MYT1: variants seen among roughly 807,000 people sequenced by gnomAD.
The protein encoded by MYT1 is myelin transcription factor I.
Under a neutral mutation model 123.0 loss-of-function variants are expected in MYT1, and 23 were observed. The ratio of observed to expected loss-of-function variants is 0.19; its 90% CI spans 0.13 to 0.26. The LOEUF (loss-of-function observed/expected upper bound fraction) is 0.26. MYT1 is among the 10% of genes least tolerant of loss of function. MYT1 has a pLI of 1.00. For synonymous variants in MYT1, 518 were observed against 575.3 expected, an observed-to-expected ratio of 0.90 and a Z score of 1.43; for missense variants, 1,125 against 1,472.5, an observed-to-expected ratio of 0.76 and a Z score of 3.86.
intron 16 of MYT1, among the ~76,000 whole-genome samples, chr20:64,226,862 C>T (rs969665284): frequency 1.3e-5 from 2 of 152,260 alleles, no homozygotes; most frequent in African/African-American, 4.8e-5. Context: ...GCATGGCCAG[C>T]GCCATCTGCT....
chr20:64,212,773 T>C lies in MYT1; in HGVS notation c.1517+635T>C, dbSNP rs1983720133. Among the ~76,000 whole-genome samples, 1 of 151,884 alleles carries C rather than the reference T, an allele frequency of 6.6e-6. No individual in the cohort carries two copies. The highest frequency in any genetic ancestry group is 2.4e-5 in the African/African-American group (1 of 41,328). ...CTTCCCGACCACCCTCGAGGTGTAG[T>C]TGTTGACTGGTCTTCTATGGTGAGG... is the stretch of plus-strand genomic sequence containing the variant. On this transcript the variant is annotated intron_variant, in intron 9 of 22. Transcript: ENST00000328439. This position sits in a 1 kb window ranked among gnomAD's most constrained non-coding sequence, Gnocchi z 6.8.
chr20:64,221,093 C>T (rs189854212), intron 13 of MYT1, among the ~76,000 whole-genome samples: 7 of 152,316 alleles, frequency 4.6e-5, no homozygotes, highest in East Asian at 1.9e-4. Context: ...GTGGGCTTCA[C>T]GGGCATTTCC....
intron 1 of MYT1, among the ~76,000 whole-genome samples, chr20:64,165,233 A>T (rs888538672): frequency 6.6e-6 from 1 of 152,024 alleles, no homozygotes; most frequent in Admixed American, 6.6e-5. Flanking sequence ...AGAGGTGCTC[A>T]CGTGAACGTT....
chr20:64,236,690 A>C (rs2983431), intron 20 of MYT1, 44 bp downstream of exon 20: 187,117 of 1,530,416 alleles, frequency 0.12, 13,828 homozygotes, highest in African/African-American at 0.32. Context: ...GCTGGGTGCC[A>C]GGGTAAGTGA....
At chr20:64,222,125 A>C (rs1044060251) in intron 14 of MYT1, 78 bp downstream of exon 14, 1 of 1,534,036 alleles carries the variant, frequency 6.5e-7, no homozygotes, top group Non-Finnish European at 8.9e-7. Context: ...GTCCCAACCC[A>C]TGACGACCGG....
At chr20:64,223,393 G>A in intron 16 of MYT1, 34 bp downstream of exon 16, 1 of 1,611,482 alleles carries the variant, frequency 6.2e-7, no homozygotes, top group Non-Finnish European at 8.5e-7. Context: ...CTGTCTCTTG[G>A]GCGGCACCCT....
rs566783932 is a variant in MYT1, at chr20:64,186,368, C to T, written c.-98-3695C>T. Among the ~76,000 whole-genome samples, 2 of 152,288 alleles carry T rather than the reference C, an allele frequency of 1.3e-5. No homozygotes were observed. The highest frequency in any genetic ancestry group is 2.4e-5 in the African/African-American group (1 of 41,544). ...GGTCTCTGATGTTCCGTTTCCCATT[C>T]GCATCCACGAGCAGGGATTCAGATT... On this transcript the variant is annotated intron_variant, in intron 1 of 22. Coordinates refer to ENST00000328439, the MANE Select transcript of MYT1 (RefSeq NM_004535.3). This position sits in a 1 kb window ranked among gnomAD's most constrained non-coding sequence, Gnocchi z 4.3.
intron 7 of MYT1, 97 bp from the exon 8 acceptor site, chr20:64,211,109 C>T: frequency 7.2e-7 from 1 of 1,391,704 alleles, no homozygotes; most frequent in Non-Finnish European, 9.8e-7. Flanking sequence ...TCCCTTCTCT[C>T]TGGACAGCCA....
At chr20:64,165,223 A>G (rs1982045479) in intron 1 of MYT1, among the ~76,000 whole-genome samples, 1 of 151,908 alleles carries the variant, frequency 6.6e-6, no homozygotes, top group Non-Finnish European at 1.5e-5. Context: ...GGTACTGAGG[A>G]GAGGTGCTCA....
In MYT1 at chr20:64,166,338, T is replaced by C. The variant is rs551912021; in HGVS notation, c.-99+1599T>C. On this transcript the variant is annotated intron_variant, in intron 1 of 22. Transcript: ENST00000328439. This position sits in a 1 kb window ranked among gnomAD's most constrained non-coding sequence, Gnocchi z 4.9. ...AAGGAGGCAGTCTTATGGATTCTTCTGTCCCGTAGAGACTGAGACTCCTAC... is the reference window on the plus strand; with the variant it reads ...AAGGAGGCAGTCTTATGGATTCTTCCGTCCCGTAGAGACTGAGACTCCTAC... 7.1e-4 allele frequency among the ~76,000 whole-genome samples: 108 copies of C among 152,298 alleles called. No individual in the cohort carries two copies. Among genetic ancestry groups the C allele is most frequent in the African/African-American group, 2.4e-3 (98 of 41,574 alleles).
rs142775473 is a variant in MYT1 at position 64,191,139 on chromosome 20, A to T, written c.-1+979A>T. 1.3e-5 allele frequency among the ~76,000 whole-genome samples: 2 copies of T among 152,326 alleles called. No homozygotes were observed. Among genetic ancestry groups the T allele is most frequent in the African/African-American group, 4.8e-5 (2 of 41,586 alleles). ...TGGCCAGGCTGAGAATCCCTACAGG[A>T]TCTGACAGCAGAGATTGCTGGCAGG... On this transcript the variant is annotated intron_variant, in intron 2 of 22. Coordinates refer to ENST00000328439, the MANE Select transcript of MYT1 (RefSeq NM_004535.3). This position sits in a 1 kb window ranked among gnomAD's most constrained non-coding sequence, Gnocchi z 4.1.
In MYT1 at chr20:64,236,564, C is replaced by T. The variant is rs1214578186; in HGVS notation, c.2907C>T (p.Gly969=). 1 of 1,613,532 alleles carries T rather than the reference C, an allele frequency of 6.2e-7. No individual in the cohort carries two copies. Among genetic ancestry groups the T allele is most frequent in the African/African-American group, 1.3e-5 (1 of 74,990 alleles). ...GSFLTHRSLS[G]CPRATFAGKK... ...TGGCCTCTGCTTCCAGTTTGTCAGG[C>T]TGTCCCAGAGCAACCTTTGCTGGAA... is the stretch of plus-strand genomic sequence containing the variant. The change falls in exon 20 of 23, where the codon GGC becomes GGT. Residue 969 remains glycine, a synonymous_variant. Coordinates refer to ENST00000328439, the MANE Select transcript of MYT1 (RefSeq NM_004535.3).
chr20:64,169,275 A>G (rs1198893465), intron 1 of MYT1, among the ~76,000 whole-genome samples: 4 of 152,232 alleles, frequency 2.6e-5, no homozygotes, highest in Admixed American at 2.0e-4. Context: ...GCAAACTGAC[A>G]GCAGCAGGTG....
intron 11 of MYT1, among the ~76,000 whole-genome samples, chr20:64,217,897 C>T (rs1283117978): frequency 6.6e-6 from 1 of 152,260 alleles, no homozygotes; most frequent in South Asian, 2.1e-4. Context: ...TCCTTTCTGT[C>T]TTGTCTTGTC....
chr20:64,205,234 C>T, intron 5 of MYT1, 137 bp downstream of exon 5: 1 of 1,060,478 alleles, frequency 9.4e-7, no homozygotes, highest in Non-Finnish European at 1.4e-6. Flanking sequence ...GAGGCAGCGA[C>T]CTCCCACTCT....
At position 64,227,965 on chromosome 20, in the gene MYT1, T is replaced by C. The variant is rs780076494; in HGVS notation, c.2669T>C (p.Leu890Pro). Reference protein sequence around the residue: ...PTKDDKEDPELMKCPVPGCVG... With the variant: ...PTKDDKEDPEPMKCPVPGCVG... Reference sequence around the variant, plus strand: ...AAGGACGACAAGGAGGACCCCGAGCTGATGAAGTACGTTGGGCCATGCTGG... The same window carrying C: ...AAGGACGACAAGGAGGACCCCGAGCCGATGAAGTACGTTGGGCCATGCTGG... Residue 890 changes from leucine to proline, a missense_variant, in exon 18 of 23, where the codon CTG (leucine) becomes CCG (proline). Transcript: ENST00000328439. The C allele has an allele frequency of 6.2e-7, 1 of 1,614,048 alleles. No individual in the cohort carries two copies. The highest frequency in any genetic ancestry group is 1.3e-5 in the African/African-American group (1 of 75,058).
chr20:64,168,103 C>T lies in MYT1; in HGVS notation c.-99+3364C>T, dbSNP rs1982139874. Among the ~76,000 whole-genome samples the T allele has an allele frequency of 6.6e-6, 1 of 152,238 alleles. No individual in the cohort carries two copies. Among genetic ancestry groups the T allele is most frequent in the African/African-American group, 2.4e-5 (1 of 41,464 alleles). ...TTTCACGGCCTCTTGAGGTTCCCGG[C>T]ATTTTTCTGTCTTTCAGACCAAATT... On this transcript the variant is annotated intron_variant, in intron 1 of 22. Coordinates refer to ENST00000328439, the MANE Select transcript of MYT1 (RefSeq NM_004535.3). The surrounding 1 kb of genome is among the most constrained non-coding windows in gnomAD (Gnocchi z 6.1).
intron 4 of MYT1, 117 bp from the exon 5 acceptor site, chr20:64,204,918 A>G (rs75307077): frequency 0.078 from 74,635 of 955,018 alleles, 3,865 homozygotes; most frequent in African/African-American, 0.22. Context: ...AACTGCAGGC[A>G]GCCATTCTGA....
At chr20:64,235,660 A>C (rs375788897) in intron 19 of MYT1, among the ~76,000 whole-genome samples, 8,545 of 76,556 alleles carry the variant, frequency 0.11, 394 homozygotes, top group South Asian at 0.13. Flanking sequence ...TGACCCTGGG[A>C]TGGCCGTGGT....
Sources: allele counts gnomAD v4.1 joint callset (sites outside exome capture counted in the v4.1 genomes callset), GRCh38; gene constraint gnomAD v4.1.1; non-coding constraint Gnocchi (gnomAD v3.1); transcripts MANE v1.5; gene names NCBI Gene and HGNC (gene_info 2026-07-23, HGNC 2026-07-21).